MALRD1: variants seen among roughly 807,000 people sequenced by gnomAD.
MALRD1 encodes MAM and LDL receptor class A domain containing 1, also known as MAM and LDL-receptor class A domain-containing protein 1.
MALRD1 carries 247 observed loss-of-function variants against 242.1 expected under a neutral mutation model. That is an observed-to-expected ratio of 1.02 (90% CI 0.92 to 1.13). The LOEUF is 1.13. MALRD1 is among the 50% of genes most tolerant of loss of function. The probability of loss-of-function intolerance (pLI) is 0.00; values close to 1 mark genes in which losing one functional copy is unlikely to be tolerated. For missense variants in MALRD1, 2,989 were observed against 2,533.1 expected (o/e 1.18, Z -3.86); for synonymous variants, 995 against 866.6 (o/e 1.15, Z -2.60).
intron 8 of MALRD1, among the ~76,000 whole-genome samples, chr10:19,131,651 A>G (rs1226402679): frequency 6.6e-6 from 1 of 152,124 alleles, no homozygotes; most frequent in Non-Finnish European, 1.5e-5. Context: ...GTGAAACTCA[A>G]CAACATTGAC....
chr10:19,109,152 T>C (rs1367438504), intron 5 of MALRD1, among the ~76,000 whole-genome samples: 2 of 152,180 alleles, frequency 1.3e-5, no homozygotes, highest in African/African-American at 2.4e-5. Flanking sequence ...AGGTGTCTCA[T>C]TGGCTCAGGT....
At chr10:19,495,259 G>A (rs1005158567) in intron 30 of MALRD1, among the ~76,000 whole-genome samples, 7 of 152,020 alleles carry the variant, frequency 4.6e-5, no homozygotes. Context: ...TTACAGGTAT[G>A]AGCCACCACA....
chr10:19,600,930 G>C (rs1163655307), intron 34 of MALRD1, among the ~76,000 whole-genome samples: 2 of 151,898 alleles, frequency 1.3e-5, no homozygotes, highest in Non-Finnish European at 2.9e-5. Flanking sequence ...TTTTGCCCAG[G>C]TTGGAGTACA....
chr10:19,379,562 T>C (rs1845751501), intron 26 of MALRD1, among the ~76,000 whole-genome samples: 1 of 152,196 alleles, frequency 6.6e-6, no homozygotes, highest in African/African-American at 2.4e-5. Flanking sequence ...CTTACAAATA[T>C]GTTGTCAAAT....
chr10:19,550,515 C>A (rs1449069227), intron 32 of MALRD1, among the ~76,000 whole-genome samples: 2 of 152,072 alleles, frequency 1.3e-5, no homozygotes, highest in Admixed American at 6.6e-5. Context: ...CTCCAATAGG[C>A]CCCAGTGTGT....
At chr10:19,173,524 G>A (rs1835098493) in intron 13 of MALRD1, among the ~76,000 whole-genome samples, 1 of 152,008 alleles carries the variant, frequency 6.6e-6, no homozygotes, top group Non-Finnish European at 1.5e-5. Context: ...ATGCTGTCTA[G>A]TTTCTCTCCA....
intron 4 of MALRD1, among the ~76,000 whole-genome samples, chr10:19,102,662 T>G (rs571502377): frequency 8.5e-6 from 1 of 117,502 alleles, no homozygotes. Flanking sequence ...ACAAAGCCTC[T>G]AACATCAGTG....
chr10:19,492,734 G>T (rs940657609), intron 30 of MALRD1, among the ~76,000 whole-genome samples: 1 of 152,042 alleles, frequency 6.6e-6, no homozygotes, highest in Non-Finnish European at 1.5e-5. Flanking sequence ...CCTGCTAATG[G>T]CCAAGCAAAT....
intron 28 of MALRD1, among the ~76,000 whole-genome samples, chr10:19,400,369 T>TC (rs1846780827): frequency 6.6e-6 from 1 of 152,138 alleles, no homozygotes; most frequent in South Asian, 2.1e-4. Flanking sequence ...GGCGGTGTGT[T>TC]CCCATATGAT....
chr10:19,289,028 A>T (rs1052624164), intron 21 of MALRD1, among the ~76,000 whole-genome samples: 1 of 151,696 alleles, frequency 6.6e-6, no homozygotes, highest in Non-Finnish European at 1.5e-5. Context: ...CCAGTTTTTT[A>T]TTTAATATGT....
intron 24 of MALRD1, among the ~76,000 whole-genome samples, chr10:19,335,391 A>T (rs981072714): frequency 2.0e-5 from 3 of 151,546 alleles, no homozygotes; most frequent in Admixed American, 2.0e-4. Flanking sequence ...AGCATTGCTA[A>T]TTTTTTTTTA....
Position 19,292,836 on chromosome 10 carries a change from T to A in MALRD1, c.3419+9655T>A, listed in dbSNP as rs967938067. Among the ~76,000 whole-genome samples, 4 of 138,712 alleles carry A rather than the reference T, an allele frequency of 2.9e-5. No homozygotes were observed. In the Admixed American group the frequency reaches 3.4e-4, roughly 12 times the overall value. The allele number at this position is 138,712 out of a possible 152,430, so 91.0% of individuals were successfully genotyped here. Reference sequence around the variant, plus strand: ...TGAACCTGGGAGGCGGAGCTTGCAGTGAGCCGAGATCACGCCATTGCACTC... The same window carrying A: ...TGAACCTGGGAGGCGGAGCTTGCAGAGAGCCGAGATCACGCCATTGCACTC... On this transcript the variant is annotated intron_variant, in intron 21 of 39. Coordinates refer to ENST00000454679, the MANE Select transcript of MALRD1 (RefSeq NM_001142308.3).
At chr10:19,206,639 G>A (rs1013727419) in intron 17 of MALRD1, among the ~76,000 whole-genome samples, 3 of 152,070 alleles carry the variant, frequency 2.0e-5, no homozygotes, top group Non-Finnish European at 2.9e-5. Context: ...TTTCTCACAC[G>A]GCTTTCCATC....
intron 13 of MALRD1, among the ~76,000 whole-genome samples, chr10:19,168,988 A>G (rs1383911110): frequency 1.3e-5 from 2 of 152,154 alleles, no homozygotes; most frequent in Non-Finnish European, 2.9e-5. Flanking sequence ...AAATTCCCTC[A>G]CATTTCACTC....
chr10:19,573,839 C>T (rs1341515991), intron 33 of MALRD1, among the ~76,000 whole-genome samples: 1 of 152,116 alleles, frequency 6.6e-6, no homozygotes, highest in Admixed American at 6.6e-5. Flanking sequence ...TAATGAGGTG[C>T]TACAACATGT....
rs576746303 is a variant in MALRD1 at position 19,357,040 on chromosome 10, G to A, written c.4441+4743G>A. On this transcript the variant is annotated intron_variant, in intron 26 of 39. Coordinates refer to ENST00000454679, the MANE Select transcript of MALRD1 (RefSeq NM_001142308.3). ...AGGGAGAATTGCTTGAACCTGGGAG[G>A]CGGAGGTTGCAGTGAGCTGAGATCT... Among the ~76,000 whole-genome samples, 18 of 151,916 alleles carry A rather than the reference G, an allele frequency of 1.2e-4. 1 individual carries two copies. In the East Asian group the frequency reaches 3.3e-3, roughly 28 times the overall value.
At chr10:19,462,381 C>A (rs545962983) in intron 29 of MALRD1, among the ~76,000 whole-genome samples, 2 of 152,344 alleles carry the variant, frequency 1.3e-5, no homozygotes, top group South Asian at 4.1e-4. Flanking sequence ...AATTGTAAAT[C>A]TGCTTCTCAT....
At chr10:19,638,082 CAA>C (rs1320650746) in intron 36 of MALRD1, among the ~76,000 whole-genome samples, 8 of 86,580 alleles carry the variant, frequency 9.2e-5, no homozygotes, top group Non-Finnish European at 1.7e-4. Context: ...GCCTGGGCAA[CAA>C]GAGAGAAACT....
At chr10:19,101,242 T>G (rs929386062) in intron 4 of MALRD1, among the ~76,000 whole-genome samples, 1 of 97,352 alleles carries the variant, frequency 1.0e-5, no homozygotes, top group African/African-American at 5.5e-5. Context: ...TAGTTTGATT[T>G]GAAATACATA....
Sources: allele counts gnomAD v4.1 joint callset (sites outside exome capture counted in the v4.1 genomes callset), GRCh38; gene constraint gnomAD v4.1.1; transcripts MANE v1.5; gene names NCBI Gene and HGNC (gene_info 2026-07-23, HGNC 2026-07-21).